The following SLC1A2 variants were observed in gnomAD, a reference collection of about 807,000 sequenced individuals.
The protein encoded by SLC1A2 is solute carrier family 1 member 2.
Under a neutral mutation model 48.8 loss-of-function variants are expected in SLC1A2, and 15 were observed. That is an observed-to-expected ratio of 0.31 (90% CI 0.21 to 0.47). SLC1A2 has a LOEUF of 0.47. SLC1A2 is among the 20% of genes least tolerant of loss of function. SLC1A2 has a pLI of 0.99. For synonymous variants in SLC1A2, 279 were observed against 272.6 expected, an observed-to-expected ratio of 1.02 and a Z score of -0.23; for missense variants, 502 against 730.5, an observed-to-expected ratio of 0.69 and a Z score of 3.61.
At chr11:35,363,236 GC>G (rs1853739112) in intron 1 of SLC1A2, among the ~76,000 whole-genome samples, 1 of 152,182 alleles carries the variant, frequency 6.6e-6, no homozygotes. Flanking sequence ...GGTTCAGAAA[GC>G]AAAACCATCT....
intron 1 of SLC1A2, among the ~76,000 whole-genome samples, chr11:35,333,416 C>G (rs1186663333): frequency 1.0e-5 from 1 of 98,498 alleles, no homozygotes; most frequent in Non-Finnish European, 1.8e-5. Flanking sequence ...GACTCTGCCT[C>G]AGGAAAAAAA....
intron 1 of SLC1A2, among the ~76,000 whole-genome samples, chr11:35,341,785 A>G (rs746165743): frequency 6.6e-6 from 1 of 152,240 alleles, no homozygotes; most frequent in Non-Finnish European, 1.5e-5. Context: ...GTCTTGAGAA[A>G]TGTGGATGTA....
intron 1 of SLC1A2, among the ~76,000 whole-genome samples, chr11:35,362,218 G>A (rs370163683): frequency 6.6e-5 from 10 of 152,280 alleles, no homozygotes; most frequent in African/African-American, 1.4e-4. Context: ...CACAATCCCC[G>A]CAGGTGTCTG....
chr11:35,324,310 CTG>C (rs1852169404), intron 1 of SLC1A2, among the ~76,000 whole-genome samples: 1 of 152,232 alleles, frequency 6.6e-6, no homozygotes, highest in Non-Finnish European at 1.5e-5. Context: ...TGATGAGTAA[CTG>C]TCAGAAGACA....
intron 4 of SLC1A2, among the ~76,000 whole-genome samples, chr11:35,306,822 T>C (rs1175079146): frequency 4.6e-5 from 7 of 152,214 alleles, no homozygotes; most frequent in Non-Finnish European, 7.3e-5. Flanking sequence ...TCACCTAAGA[T>C]AACGACCGCC....
intron 1 of SLC1A2, among the ~76,000 whole-genome samples, chr11:35,362,269 C>T (rs528882995): frequency 6.6e-6 from 1 of 152,324 alleles, no homozygotes; most frequent in South Asian, 2.1e-4. Flanking sequence ...GTGGCTCTTT[C>T]ATAGCTGTCT....
At chr11:35,400,253 C>T (rs1855093998) in intron 1 of SLC1A2, among the ~76,000 whole-genome samples, 1 of 152,118 alleles carries the variant, frequency 6.6e-6, no homozygotes, top group Non-Finnish European at 1.5e-5. Context: ...TAGAAACAAG[C>T]TAAATATCCA....
chr11:35,394,294 T>C (rs1358272457), intron 1 of SLC1A2, among the ~76,000 whole-genome samples: 1 of 151,976 alleles, frequency 6.6e-6, no homozygotes, highest in Non-Finnish European at 1.5e-5. Context: ...AAAACGGGTC[T>C]CCAAAGCCTC....
At chr11:35,332,676 C>T (rs1178936310) in intron 1 of SLC1A2, among the ~76,000 whole-genome samples, 3 of 152,062 alleles carry the variant, frequency 2.0e-5, no homozygotes, top group Non-Finnish European at 2.9e-5. Context: ...GGTTTTTTTG[C>T]CATGGACAAT....
intron 4 of SLC1A2, among the ~76,000 whole-genome samples, chr11:35,307,647 G>C (rs1851554901): frequency 6.6e-6 from 1 of 152,214 alleles, no homozygotes; most frequent in African/African-American, 2.4e-5. Flanking sequence ...GTGACTTGTT[G>C]GACGTCATGG....
intron 1 of SLC1A2, among the ~76,000 whole-genome samples, chr11:35,384,341 A>T (rs1439658025): frequency 6.6e-6 from 1 of 152,158 alleles, no homozygotes; most frequent in African/African-American, 2.4e-5. Flanking sequence ...ATGGAAGATG[A>T]CTATTCTCAT....
chr11:35,300,886 G>C (rs1851332721), intron 6 of SLC1A2, among the ~76,000 whole-genome samples: 1 of 152,058 alleles, frequency 6.6e-6, no homozygotes, highest in African/African-American at 2.4e-5. Flanking sequence ...GGGCATGGTA[G>C]TGTGCACCTG....
intron 8 of SLC1A2, among the ~76,000 whole-genome samples, chr11:35,281,608 A>G (rs1843178641): frequency 6.6e-6 from 1 of 152,186 alleles, no homozygotes; most frequent in Admixed American, 6.5e-5. Flanking sequence ...CAGAAAGGGG[A>G]TGCCAAGAAA....
chr11:35,258,948 A>AG lies in SLC1A2; in HGVS notation c.*1945_*1946insC, dbSNP rs1448525117. ...CAACAGAGCAAGACTCTGTCTAAAA[A>AG]AAAAAAAAAAAAAAGAATGCATTTT... On this transcript the variant is annotated 3_prime_UTR_variant, in exon 11 of 11. Coordinates refer to ENST00000278379, the MANE Select transcript of SLC1A2 (RefSeq NM_004171.4). 2 of 151,872 alleles carry AG rather than the reference A, an allele frequency of 1.3e-5. No individual in the cohort carries two copies. The highest frequency in any genetic ancestry group is 4.8e-5 in the African/African-American group (2 of 41,300). 9.4% of individuals were successfully genotyped at this position (151,872 alleles called of 1,614,324 possible).
chr11:35,286,870 A>C lies in SLC1A2; in HGVS notation c.1173T>G (p.Pro391=). ...IDKRVTRFVL[P]VGATINMDGT... is the part of the protein sequence containing the mutation. ...CATCCATGTTAATGGTTGCTCCAAC[A>C]GGAAGGACGAATCTAGTCACACGCT... The change falls in exon 8 of 11, where the codon CCT becomes CCG. Residue 391 remains proline (P), a synonymous_variant. Transcript: ENST00000278379. 6.2e-7 allele frequency: 1 copy of C among 1,614,108 alleles called. No homozygotes were observed. The highest frequency in any genetic ancestry group is 8.5e-7 in the Non-Finnish European group (1 of 1,179,956).
chr11:35,319,382 C>T (rs1210883894), intron 1 of SLC1A2, among the ~76,000 whole-genome samples: 1 of 152,164 alleles, frequency 6.6e-6, no homozygotes, highest in Admixed American at 6.5e-5. Context: ...CAGGAAATGT[C>T]AAACAAAGAA....
At chr11:35,325,676 A>T (rs1565245801) in intron 1 of SLC1A2, among the ~76,000 whole-genome samples, 1 of 152,168 alleles carries the variant, frequency 6.6e-6, no homozygotes, top group East Asian at 1.9e-4. Flanking sequence ...TGTAAAAAGC[A>T]GGCGGGCCAG....
rs140154872 is a variant in SLC1A2, at chr11:35,321,093, G to A, written c.18-3577C>T. Reference sequence around the variant, plus strand: ...GAGAACGTGTCCTTCTTCACATGGTGGCAGCAAGGAGAAGCGCCAAGCAAA... The same window carrying A: ...GAGAACGTGTCCTTCTTCACATGGTAGCAGCAAGGAGAAGCGCCAAGCAAA... On this transcript the variant is annotated intron_variant, in intron 1 of 10. Coordinates refer to ENST00000278379, the MANE Select transcript of SLC1A2 (RefSeq NM_004171.4). Among the ~76,000 whole-genome samples, 24 of 152,242 alleles carry A rather than the reference G, an allele frequency of 1.6e-4. No individual in the cohort carries two copies. In the East Asian group the frequency reaches 4.6e-3, roughly 29 times the overall value.
intron 1 of SLC1A2, among the ~76,000 whole-genome samples, chr11:35,406,500 A>G (rs1345725585): frequency 2.0e-5 from 3 of 152,132 alleles, no homozygotes; most frequent in Non-Finnish European, 2.9e-5. Context: ...CTCCAGGATC[A>G]GAGGGTGCCA....
Sources: gnomAD v4.1 joint callset for allele counts (sites outside exome capture counted in the v4.1 genomes callset) on GRCh38, gnomAD v4.1.1 for gene constraint, MANE v1.5 for transcripts, NCBI Gene and HGNC (gene_info 2026-07-23, HGNC 2026-07-21) for gene names.